Variants in LGR6 observed in about 807,000 individuals in gnomAD.
LGR6 encodes the protein leucine rich repeat containing G protein-coupled receptor 6, also known as leucine-rich repeat-containing G protein-coupled receptor 6.
A neutral mutation model predicts 69.4 loss-of-function variants in LGR6; 45 were observed. That is an observed-to-expected ratio of 0.65 (90% CI 0.51 to 0.83). LGR6 has a LOEUF of 0.83. Among genes scored for constraint, LGR6 ranks in the 40% least tolerant of loss-of-function variants. LGR6 has a pLI of 0.00. For synonymous variants in LGR6, 538 were observed against 555.0 expected (o/e 0.97, Z 0.43); for missense variants, 1,108 against 1,246.7 (o/e 0.89, Z 1.68).
chr1:202,300,952 C>A, intron 8 of LGR6, 32 bp downstream of exon 8: 1 of 1,567,176 alleles, frequency 6.4e-7, no homozygotes, highest in Non-Finnish European at 8.8e-7. Context: ...CTCTTAATGC[C>A]GAACAGTGTT....
At chr1:202,304,735 G>A in intron 11 of LGR6, 105 bp downstream of exon 11, 2 of 890,008 alleles carry the variant, frequency 2.2e-6, no homozygotes, top group Non-Finnish European at 3.5e-6. Context: ...TCCCTTCCTG[G>A]AGAATGGAGC....
chr1:202,303,101 G>T (rs1572001914), intron 9 of LGR6, among the ~76,000 whole-genome samples, 178 bp from the exon 10 acceptor site: 1 of 152,152 alleles, frequency 6.6e-6, no homozygotes, highest in East Asian at 1.9e-4. Context: ...GTTGGACCCT[G>T]CTAAGTATGG....
At chr1:202,317,912 C>G in intron 17 of LGR6, 40 bp from the exon 18 acceptor site, 1 of 1,539,846 alleles carries the variant, frequency 6.5e-7, no homozygotes, top group Non-Finnish European at 8.8e-7. Context: ...CTGGTCCCAC[C>G]ATCCTCTGGC....
chr1:202,307,831 G>T (rs1474704856), intron 14 of LGR6, among the ~76,000 whole-genome samples: 1 of 152,220 alleles, frequency 6.6e-6, no homozygotes, highest in African/African-American at 2.4e-5. Flanking sequence ...CTGTGAGGCA[G>T]CAGGGGACCT....
At chr1:202,242,053 G>A (rs1401202965) in intron 4 of LGR6, among the ~76,000 whole-genome samples, 1 of 152,220 alleles carries the variant, frequency 6.6e-6, no homozygotes, top group Admixed American at 6.5e-5. Context: ...ATGTGCTGGT[G>A]TGCTCGTGGG....
chr1:202,237,188 C>A (rs372162188), intron 4 of LGR6, among the ~76,000 whole-genome samples: 5 of 152,220 alleles, frequency 3.3e-5, no homozygotes, highest in Admixed American at 1.3e-4. Context: ...CTTCTGCCCC[C>A]CCTTCCCAAT....
Position 202,237,721 on chromosome 1 carries a change from C to T in LGR6, c.428+1728C>T, listed in dbSNP as rs117867243. Among the ~76,000 whole-genome samples the T allele has an allele frequency of 2.5e-4, 38 of 152,282 alleles. No homozygotes were observed. The East Asian group carries it at 6.6e-3, about 26-fold the overall frequency. On this transcript the variant is annotated intron_variant, in intron 4 of 17. Coordinates refer to ENST00000367278, the MANE Select transcript of LGR6 (RefSeq NM_001017403.2). Reference sequence around the variant, plus strand: ...ATTATTCTCCTTTGCCTGGGTATAACAGGGCAGGGGACAGAGGTCAAGTCC... The same window carrying T: ...ATTATTCTCCTTTGCCTGGGTATAATAGGGCAGGGGACAGAGGTCAAGTCC...
At position 202,318,920 on chromosome 1, in the gene LGR6, T is replaced by G. The variant is rs754199919; in HGVS notation, c.2617T>G (p.Phe873Val). The G allele has an allele frequency of 6.2e-7, 1 of 1,614,074 alleles. No homozygotes were observed. The highest frequency in any genetic ancestry group is 1.7e-5 in the Admixed American group (1 of 60,002). The change falls in exon 18 of 18, where the codon TTC becomes GTC. Residue 873 changes from phenylalanine (F) to valine (V), a missense_variant. By Grantham distance (50) the Phe-to-Val change is conservative (BLOSUM62 -1). Transcript: ENST00000367278. ...TGATTCTACCCAGGCCCTGGTAGCC[T>G]TCTCTGATGTGGATCTCATTCTGGA... Reference protein sequence around the residue: ...SCDSTQALVAFSDVDLILEAS... With the variant: ...SCDSTQALVAVSDVDLILEAS...
chr1:202,230,739 G>C (rs1035389357), intron 3 of LGR6, among the ~76,000 whole-genome samples: 7 of 152,220 alleles, frequency 4.6e-5, no homozygotes, highest in African/African-American at 1.7e-4. Flanking sequence ...TGGCCTCCCA[G>C]AGAGCTGGGT....
chr1:202,319,317 T>C lies in LGR6; in HGVS notation c.*110T>C. ...AACCAAAACTCAGCAGTGTGATCTA[T>C]AGCAGGATGGCCCAGTCCCTGGCTC... is the stretch of plus-strand genomic sequence containing the variant. On this transcript the variant is annotated 3_prime_UTR_variant, in exon 18 of 18. Transcript: ENST00000367278. The C allele has an allele frequency of 8.1e-7, 1 of 1,233,304 alleles. No homozygotes were observed. The highest frequency in any genetic ancestry group is 1.6e-5 in the South Asian group (1 of 63,318). The allele number at this position is 1,233,304 out of a possible 1,614,324, so 76.4% of individuals were successfully genotyped here. A position where few individuals can be genotyped will look rare whatever the true frequency, so the allele number is the denominator to read the frequency against.
chr1:202,194,710 G>GA, intron 1 of LGR6: 1 of 271,654 alleles, frequency 3.7e-6, no homozygotes, highest in Non-Finnish European at 7.4e-6. Context: ...GGGGGCGGGG[G>GA]GGGCGGGTTT....
chr1:202,227,803 G>A (rs1452070), intron 2 of LGR6, 133 bp from the exon 3 acceptor site: 524,049 of 662,044 alleles, frequency 0.79, 212,675 homozygotes, highest in South Asian at 0.9. Flanking sequence ...AGTATTAAAC[G>A]CATCGTAGAT....
At chr1:202,290,868 AAAT>A (rs1387775680) in intron 6 of LGR6, among the ~76,000 whole-genome samples, 1 of 152,188 alleles carries the variant, frequency 6.6e-6, no homozygotes, top group East Asian at 1.9e-4. Flanking sequence ...CTGTCTCAAA[AAAT>A]AAAAAATAAA....
Position 202,314,883 on chromosome 1 carries a change from G to A in LGR6, c.1648+1G>A. On this transcript the variant is annotated splice_donor_variant, in intron 17 of 17. Transcript: ENST00000367278. LOFTEE classifies it high-confidence loss of function. Reference sequence around the variant, plus strand: ...AGTGTCCAGTGTAGCCCTACTCCAGGTGAGGTGGTGTCTGGGGAATGGGGA... The same window carrying A: ...AGTGTCCAGTGTAGCCCTACTCCAGATGAGGTGGTGTCTGGGGAATGGGGA... 6.2e-7 allele frequency: 1 copy of A among 1,612,084 alleles called. No individual in the cohort carries two copies. Among genetic ancestry groups the A allele is most frequent in the Non-Finnish European group, 8.5e-7 (1 of 1,178,090 alleles).
At chr1:202,290,796 G>A (rs1244146090) in intron 6 of LGR6, among the ~76,000 whole-genome samples, 1 of 152,200 alleles carries the variant, frequency 6.6e-6, no homozygotes, top group African/African-American at 2.4e-5. Flanking sequence ...CCCAGGAGGT[G>A]GAGGTTGTAG....
intron 4 of LGR6, among the ~76,000 whole-genome samples, chr1:202,237,546 T>C (rs902981470): frequency 1.1e-4 from 16 of 152,202 alleles, no homozygotes; most frequent in Non-Finnish European, 2.9e-5. Flanking sequence ...GTGAATCACA[T>C]ATTCTGAGTT....
intron 4 of LGR6, among the ~76,000 whole-genome samples, chr1:202,237,826 G>C (rs773550002): frequency 1.3e-5 from 2 of 152,182 alleles, no homozygotes; most frequent in Non-Finnish European, 2.9e-5. Flanking sequence ...CTGTGTGACA[G>C]AAAATGTGGC....
intron 6 of LGR6, among the ~76,000 whole-genome samples, chr1:202,289,201 G>C (rs923756892): frequency 6.6e-6 from 1 of 152,162 alleles, no homozygotes; most frequent in Non-Finnish European, 1.5e-5. Context: ...GTGAAGACGG[G>C]CACTCCAGCT....
intron 4 of LGR6, among the ~76,000 whole-genome samples, chr1:202,270,484 T>C (rs367755866): frequency 2.7e-4 from 41 of 152,108 alleles, no homozygotes; most frequent in African/African-American, 9.9e-4. Flanking sequence ...TCAGGTGATC[T>C]GCCCACCTCA....
Sources: gnomAD v4.1 joint callset for allele counts (sites outside exome capture counted in the v4.1 genomes callset) on GRCh38, gnomAD v4.1.1 for gene constraint, MANE v1.5 for transcripts, NCBI Gene and HGNC (gene_info 2026-07-23, HGNC 2026-07-21) for gene names.